FRMPD4: variants seen among roughly 807,000 people sequenced by gnomAD.
FRMPD4 encodes the protein FERM and PDZ domain containing 4, also known as FERM and PDZ domain-containing protein 4.
In FRMPD4, 22 loss-of-function variants were observed where a neutral mutation model predicts 94.1. The ratio of observed to expected loss-of-function variants is 0.23; its 90% CI spans 0.17 to 0.33. FRMPD4 has a LOEUF of 0.33. FRMPD4 is among the 10% of genes least tolerant of loss of function. FRMPD4 has a pLI of 1.00. For missense variants in FRMPD4, 1,111 were observed against 1,339.9 expected (o/e 0.83, Z 2.67); for synonymous variants, 631 against 548.6 (o/e 1.15, Z -2.10).
intron 1 of FRMPD4, among the ~76,000 whole-genome samples, chrX:12,319,565 C>G (rs768603164): frequency 3.6e-5 from 4 of 111,851 alleles, no homozygotes; most frequent in Admixed American, 9.5e-5. Context: ...CAAGTAGCAT[C>G]GCGAGTATCA....
At chrX:12,258,463 A>G (rs2054144874) in intron 1 of FRMPD4, among the ~76,000 whole-genome samples, 1 of 110,972 alleles carries the variant, frequency 9.0e-6, no homozygotes, top group South Asian at 3.9e-4. Context: ...CCCTCACCAA[A>G]TGTGGCCCCC....
chrX:12,530,235 G>C, intron 2 of FRMPD4, among the ~76,000 whole-genome samples: 1 of 112,004 alleles, frequency 8.9e-6, no homozygotes, highest in Non-Finnish European at 1.9e-5. Flanking sequence ...GTAGGGATAT[G>C]ATGCAATGTG....
chrX:12,156,134 T>C (rs768308435), intron 1 of FRMPD4, among the ~76,000 whole-genome samples: 2 of 111,676 alleles, frequency 1.8e-5, no homozygotes, highest in Non-Finnish European at 3.8e-5. Context: ...TATTGGCATA[T>C]AGTGGGAAGG....
intron 3 of FRMPD4, among the ~76,000 whole-genome samples, chrX:12,101,647 T>A (rs1026218298): frequency 9.0e-6 from 1 of 111,671 alleles, no homozygotes; most frequent in African/African-American, 3.3e-5. Flanking sequence ...AGGTTTAACT[T>A]CTTTTCTGAT....
intron 3 of FRMPD4, among the ~76,000 whole-genome samples, chrX:12,124,369 G>T (rs2055482203): frequency 8.9e-6 from 1 of 111,814 alleles, no homozygotes; most frequent in Non-Finnish European, 1.9e-5. Flanking sequence ...GGACCCATTG[G>T]GGTTTCTTTA....
chrX:11,945,925 C>T (rs775553010), intron 3 of FRMPD4, among the ~76,000 whole-genome samples: 140 of 112,139 alleles, frequency 1.2e-3, no homozygotes, highest in African/African-American at 4.3e-3. Flanking sequence ...TGGCAGACTT[C>T]GGGGTCCATC....
intron 1 of FRMPD4, among the ~76,000 whole-genome samples, chrX:12,423,183 G>A (rs924048074): frequency 1.8e-5 from 2 of 110,326 alleles, no homozygotes; most frequent in Admixed American, 9.7e-5. Context: ...GCAGTGAGCC[G>A]AACCAAGATC....
chrX:12,454,902 GCCTACCTAT>G (rs1176222935), intron 1 of FRMPD4, among the ~76,000 whole-genome samples: 3 of 106,091 alleles, frequency 2.8e-5, no homozygotes, highest in Non-Finnish European at 5.8e-5. Flanking sequence ...GTATCACTAA[GCCTACCTAT>G]CTCTCCAGGG....
At chrX:12,569,190 C>T (rs753570841) in intron 2 of FRMPD4, among the ~76,000 whole-genome samples, 36 of 111,509 alleles carry the variant, frequency 3.2e-4, no homozygotes, top group African/African-American at 1.1e-3. Flanking sequence ...AATTTCTGTT[C>T]ATTATAAGTT....
chrX:12,443,497 G>A (rs2057161347), intron 1 of FRMPD4, among the ~76,000 whole-genome samples: 1 of 111,743 alleles, frequency 8.9e-6, no homozygotes, highest in Non-Finnish European at 1.9e-5. Flanking sequence ...TCTCAACTGA[G>A]ACTAGCCACA....
chrX:12,252,101 A>T (rs1463919729), intron 1 of FRMPD4, among the ~76,000 whole-genome samples: 12 of 112,288 alleles, frequency 1.1e-4, no homozygotes, highest in Non-Finnish European at 2.1e-4. Flanking sequence ...CAACTCAAAA[A>T]GGCCTTGTGA....
At chrX:11,926,408 G>T (rs771872335) in intron 3 of FRMPD4, among the ~76,000 whole-genome samples, 16 of 110,699 alleles carry the variant, frequency 1.4e-4, no homozygotes, top group Non-Finnish European at 2.5e-4. Context: ...CATTATATGA[G>T]GCCAGCATCA....
chrX:12,214,583 C>G (rs1215765209), intron 1 of FRMPD4, among the ~76,000 whole-genome samples: 1 of 112,522 alleles, frequency 8.9e-6, no homozygotes, highest in Non-Finnish European at 1.9e-5. Context: ...ACATAGAACT[C>G]TATAACACAA....
intron 1 of FRMPD4, among the ~76,000 whole-genome samples, chrX:12,483,022 C>G (rs2057704225): frequency 8.9e-6 from 1 of 112,139 alleles, no homozygotes; most frequent in Admixed American, 9.5e-5. Flanking sequence ...GAAATCTAGG[C>G]CTGAGAGACC....
At chrX:12,353,528 C>T (rs2055846579) in intron 1 of FRMPD4, among the ~76,000 whole-genome samples, 1 of 111,945 alleles carries the variant, frequency 8.9e-6, no homozygotes, top group Admixed American at 9.5e-5. Flanking sequence ...ACAAATTTAC[C>T]ATGAATTATC....
Position 12,208,523 on chromosome X carries a change from G to T in FRMPD4, c.41+69511G>T, listed in dbSNP as rs552772718. Among the ~76,000 whole-genome samples, 58 of 110,937 alleles carry T rather than the reference G, an allele frequency of 5.2e-4. No individual in the cohort carries two copies. In the South Asian group the frequency reaches 0.02, roughly 39 times the overall value. On this transcript the variant is annotated intron_variant, in intron 1 of 16. Transcript: ENST00000675598. ...AAGAAAAATAAAGATGATATCTTTG[G>T]TATCCTATTCACTTTTGTATCCTTT...
chrX:12,047,518 T>A (rs1041689803), intron 3 of FRMPD4, among the ~76,000 whole-genome samples: 1 of 111,816 alleles, frequency 8.9e-6, no homozygotes, highest in Non-Finnish European at 1.9e-5. Flanking sequence ...TTATTTTAGA[T>A]TCAGATTCAG....
At chrX:12,188,375 T>G (rs1451694666) in intron 1 of FRMPD4, among the ~76,000 whole-genome samples, 1 of 111,566 alleles carries the variant, frequency 9.0e-6, no homozygotes, top group Non-Finnish European at 1.9e-5. Context: ...ATAGTATTGT[T>G]TAAAGAGGAT....
intron 3 of FRMPD4, among the ~76,000 whole-genome samples, chrX:11,982,243 G>T (rs2054401353): frequency 9.1e-6 from 1 of 110,024 alleles, no homozygotes; most frequent in South Asian, 3.9e-4. Context: ...CTATCTTCTG[G>T]TTTCTGCTGT....
Sources: allele counts gnomAD v4.1 joint callset (sites outside exome capture counted in the v4.1 genomes callset), GRCh38; gene constraint gnomAD v4.1.1; transcripts MANE v1.5; gene names NCBI Gene and HGNC (gene_info 2026-07-23, HGNC 2026-07-21).